The following HCCS variants were observed in gnomAD, a reference collection of about 807,000 sequenced individuals.
The protein encoded by HCCS is holocytochrome c synthase, also known as holocytochrome c-type synthase.
Under a neutral mutation model 24.2 loss-of-function variants are expected in HCCS, and 2 were observed. The ratio of observed to expected loss-of-function variants is 0.08; its 90% CI spans 0.03 to 0.26. The LOEUF (loss-of-function observed/expected upper bound fraction) is 0.26, where lower values mean the gene tolerates loss of function less well. Ranked by LOEUF, HCCS falls within the 10% of genes least tolerant of loss-of-function variation. HCCS has a pLI of 1.00. For synonymous variants in HCCS, 73 were observed against 76.2 expected (o/e 0.96, Z 0.22); for missense variants, 150 against 213.3 (o/e 0.70, Z 1.85).
chrX:11,119,537 T>G (rs2045475093), intron 5 of HCCS, among the ~76,000 whole-genome samples: 1 of 112,784 alleles, frequency 8.9e-6, no homozygotes, highest in Non-Finnish European at 1.9e-5. Context: ...TGAGCCAGAT[T>G]ATGTCATAAA....
rs948575768 is a variant in HCCS, at chrX:11,118,700, C to A, written c.521+80C>A. On this transcript the variant is annotated intron_variant, in intron 5 of 6. Transcript: ENST00000380762. ...CTTTCTAGAGTTTTAACATTCAAAT[C>A]ATTTGTTCTAATAAAACATTTTATG... 1.8e-5 allele frequency: 18 copies of A among 1,022,782 alleles called. No individual in the cohort carries two copies. In the African/African-American group the frequency reaches 3.3e-4, roughly 19 times the overall value. The allele number at this position is 1,022,782 out of a possible 1,213,427, so 84.3% of individuals were successfully genotyped here.
intron 3 of HCCS, among the ~76,000 whole-genome samples, chrX:11,115,655 A>T (rs1254599095): frequency 6.2e-5 from 7 of 112,160 alleles, no homozygotes; most frequent in African/African-American, 2.3e-4. Flanking sequence ...GGCGTGGGGG[A>T]TACAATAGCA....
At chrX:11,113,728 C>T (rs2045429182) in intron 2 of HCCS, among the ~76,000 whole-genome samples, 1 of 112,072 alleles carries the variant, frequency 8.9e-6, no homozygotes, top group East Asian at 2.8e-4. Flanking sequence ...GGTTATATGA[C>T]GTGAAAAGTT....
chrX:11,120,532 T>C (rs2045483798), intron 5 of HCCS, among the ~76,000 whole-genome samples: 1 of 111,968 alleles, frequency 8.9e-6, no homozygotes, highest in African/African-American at 3.2e-5. Context: ...ATTTTCTTGT[T>C]TGTCTGAAAA....
intron 6 of HCCS, 140 bp downstream of exon 6, chrX:11,121,133 T>A: frequency 1.8e-6 from 1 of 554,781 alleles, no homozygotes; most frequent in Non-Finnish European, 3.2e-6. Context: ...TTTCTCTCCC[T>A]GAGGTTTGCC....
At chrX:11,116,349 G>A (rs1309873676) in intron 3 of HCCS, among the ~76,000 whole-genome samples, 1 of 112,223 alleles carries the variant, frequency 8.9e-6, no homozygotes, top group Non-Finnish European at 1.9e-5. Context: ...CACCAGCTAG[G>A]AAATGGCAGA....
chrX:11,121,137 G>A (rs142529230), intron 6 of HCCS, 144 bp downstream of exon 6: 44 of 548,339 alleles, frequency 8.0e-5, no homozygotes, highest in African/African-American at 6.3e-4. Context: ...TCTCCCTGAG[G>A]TTTGCCCATT....
chrX:11,121,927 CTT>C lies in HCCS; in HGVS notation c.*121_*122del. The stretch of plus-strand genomic sequence containing the variant: ...TGGGAACTTCAAGTGGGTAATCACA[CTT>C]TTTCCTTCACTTAACGAAGGATACT... On this transcript the variant is annotated 3_prime_UTR_variant, in exon 7 of 7. Coordinates refer to ENST00000380762, the MANE Select transcript of HCCS (RefSeq NM_005333.5). The C allele has an allele frequency of 1.7e-6, 1 of 588,829 alleles. No homozygotes were observed. Among genetic ancestry groups the C allele is most frequent in the East Asian group, 3.6e-5 (1 of 28,051 alleles). The allele number at this position is 588,829 out of a possible 1,213,427, so 48.5% of individuals were successfully genotyped here. A position where few individuals can be genotyped will look rare whatever the true frequency, so the allele number is the denominator to read the frequency against.
intron 3 of HCCS, among the ~76,000 whole-genome samples, chrX:11,116,537 C>T (rs1424157001): frequency 8.9e-6 from 1 of 112,987 alleles, no homozygotes; most frequent in Non-Finnish European, 1.9e-5. Flanking sequence ...CTTTATACTT[C>T]TAACACAGAA....
At position 11,112,082 on chromosome X, in the gene HCCS, C is replaced by T. The variant is rs2045412145; in HGVS notation, c.22C>T (p.Pro8Ser). ...AGCCATGGGTTTGTCTCCATCTGCT[C>T]CTGCTGTTGCAGTTCAGGCCTCAAA... MGLSPSA[P>S]AVAVQASNAS... Residue 8 changes from proline to serine, a missense_variant, in exon 2 of 7, where the codon CCT becomes TCT. Physicochemically the swap from Pro to Ser is moderately conservative, Grantham distance 74. Transcript: ENST00000380762. The T allele has an allele frequency of 8.3e-7, 1 of 1,209,154 alleles. No homozygotes were observed. The highest frequency in any genetic ancestry group is 1.1e-6 in the Non-Finnish European group (1 of 892,739).
At chrX:11,118,324 A>G in intron 4 of HCCS, 177 bp from the exon 5 acceptor site, 3 of 503,177 alleles carry the variant, frequency 6.0e-6, no homozygotes, top group Non-Finnish European at 1.1e-5. Context: ...GTGCTGCTCC[A>G]TGATCATGGG....
chrX:11,121,109 C>A, intron 6 of HCCS, 116 bp downstream of exon 6: 1 of 595,645 alleles, frequency 1.7e-6, no homozygotes, highest in Non-Finnish European at 2.9e-6. Flanking sequence ...AATGCATATT[C>A]AACTGTAGAT....
At chrX:11,118,667 C>T in intron 5 of HCCS, 47 bp downstream of exon 5, 1 of 1,150,009 alleles carries the variant, frequency 8.7e-7, no homozygotes, top group East Asian at 3.0e-5. Flanking sequence ...TTTGTTATTT[C>T]ATATCAGCTT....
At chrX:11,113,233 T>C (rs542483461) in intron 2 of HCCS, among the ~76,000 whole-genome samples, 45 of 112,355 alleles carry the variant, frequency 4.0e-4, no homozygotes, top group African/African-American at 1.4e-3. Flanking sequence ...TATTCATTTC[T>C]TCAGTCAGCC....
rs764942255 is a variant in HCCS at position 11,121,006 on chromosome X, G to A, written c.608+13G>A. ...GTTCCTGGATGGGGTGAGTGTCAGCGCAGAAGTGTTGTTTCACCATCCTCA... is the reference window on the plus strand; with the variant it reads ...GTTCCTGGATGGGGTGAGTGTCAGCACAGAAGTGTTGTTTCACCATCCTCA... On this transcript the variant is annotated intron_variant, in intron 6 of 6. Transcript: ENST00000380762. 135 of 1,167,386 alleles carry A rather than the reference G, an allele frequency of 1.2e-4. No homozygotes were observed. Among genetic ancestry groups the A allele is most frequent in the Non-Finnish European group, 1.5e-4 (126 of 856,078 alleles).
chrX:11,112,592 G>A (rs1233988786), intron 2 of HCCS, among the ~76,000 whole-genome samples: 1 of 112,571 alleles, frequency 8.9e-6, no homozygotes, highest in African/African-American at 3.2e-5. Context: ...GTCTTATTGA[G>A]GTTTGTGACT....
At position 11,122,901 on chromosome X, in the gene HCCS, C is replaced by T. The variant is rs2045503356; in HGVS notation, c.*1091C>T. ...TTTTTAACTGTCTATACTATTAAAT[C>T]CTTTAATTTATCCTGAATGCTGTAG... is the stretch of plus-strand genomic sequence containing the variant. On this transcript the variant is annotated 3_prime_UTR_variant, in exon 7 of 7. Coordinates refer to ENST00000380762, the MANE Select transcript of HCCS (RefSeq NM_005333.5). 1.8e-5 allele frequency: 2 copies of T among 110,164 alleles called. No homozygotes were observed. The highest frequency in any genetic ancestry group is 3.8e-5 in the Non-Finnish European group (2 of 52,798). The allele number at this position is 110,164 out of a possible 1,213,427, so 9.1% of individuals were successfully genotyped here. A position where few individuals can be genotyped will look rare whatever the true frequency, so the allele number is the denominator to read the frequency against.
At chrX:11,113,744 G>A (rs1419819430) in intron 2 of HCCS, among the ~76,000 whole-genome samples, 2 of 112,141 alleles carry the variant, frequency 1.8e-5, no homozygotes, top group Non-Finnish European at 3.8e-5. Context: ...AAGTTGAAAT[G>A]TTATTTTCTT....
At chrX:11,114,683 T>C in intron 2 of HCCS, 152 bp from the exon 3 acceptor site, 1 of 531,538 alleles carries the variant, frequency 1.9e-6, no homozygotes, top group Admixed American at 2.7e-5. Flanking sequence ...GAATGTTAGC[T>C]AGTTCAGTTC....
Sources: allele counts gnomAD v4.1 joint callset (sites outside exome capture counted in the v4.1 genomes callset), GRCh38; gene constraint gnomAD v4.1.1; transcripts MANE v1.5; gene names NCBI Gene and HGNC (gene_info 2026-07-23, HGNC 2026-07-21).